CDH12: variants seen among roughly 807,000 people sequenced by gnomAD.
CDH12 encodes the protein cadherin-12.
Under a neutral mutation model 74.1 loss-of-function variants are expected in CDH12, and 41 were observed. The observed-to-expected ratio is 0.55, with a 90% CI of 0.43 to 0.72. CDH12 has a LOEUF of 0.72. Among genes scored for constraint, CDH12 ranks in the 30% least tolerant of loss-of-function variants. CDH12 has a pLI of 0.00. For synonymous variants in CDH12, 399 were observed against 355.0 expected (o/e 1.12, Z -1.39); for missense variants, 945 against 977.2 (o/e 0.97, Z 0.44).
chr5:22,309,034 A>T (rs1738267480), intron 3 of CDH12, among the ~76,000 whole-genome samples: 1 of 152,130 alleles, frequency 6.6e-6, no homozygotes, highest in Non-Finnish European at 1.5e-5. Flanking sequence ...AAGACGCTCA[A>T]TTATGCAACA....
At chr5:22,731,876 C>A (rs192371571) in intron 1 of CDH12, among the ~76,000 whole-genome samples, 2 of 151,806 alleles carry the variant, frequency 1.3e-5, no homozygotes, top group African/African-American at 4.8e-5. Context: ...ATTAAAATTG[C>A]ATAGTTGAAT....
chr5:21,833,655 G>A (rs1749366331), intron 8 of CDH12, among the ~76,000 whole-genome samples: 1 of 121,572 alleles, frequency 8.2e-6, no homozygotes, highest in Non-Finnish European at 1.7e-5. Context: ...GCATACAAAT[G>A]ATTCAAGGAA....
At chr5:22,158,711 T>G (rs1748166446) in intron 4 of CDH12, among the ~76,000 whole-genome samples, 1 of 152,246 alleles carries the variant, frequency 6.6e-6, no homozygotes, top group South Asian at 2.1e-4. Context: ...ATACACTTTT[T>G]GTTTGCATGA....
At chr5:22,052,059 T>G (rs1426181614) in intron 5 of CDH12, among the ~76,000 whole-genome samples, 1 of 152,176 alleles carries the variant, frequency 6.6e-6, no homozygotes, top group Non-Finnish European at 1.5e-5. Context: ...GATTTAAACA[T>G]GTGGGTCACA....
chr5:22,215,935 T>C (rs1282712584), intron 3 of CDH12, among the ~76,000 whole-genome samples: 1 of 152,142 alleles, frequency 6.6e-6, no homozygotes, highest in African/African-American at 2.4e-5. Flanking sequence ...ATTTAAACTT[T>C]GCCAAGAACT....
intron 2 of CDH12, among the ~76,000 whole-genome samples, chr5:22,460,713 ATTTTT>A (rs3039460): frequency 3.5e-5 from 3 of 85,608 alleles, no homozygotes; most frequent in East Asian, 3.5e-4. Flanking sequence ...ATATCTAGCA[ATTTTT>A]TTTTTTTTTT....
chr5:21,948,070 T>C (rs1246218858), intron 6 of CDH12, among the ~76,000 whole-genome samples: 3 of 152,214 alleles, frequency 2.0e-5, no homozygotes, highest in African/African-American at 7.2e-5. Context: ...TGTATGGAAA[T>C]GCCTGGATGT....
intron 4 of CDH12, among the ~76,000 whole-genome samples, chr5:22,201,967 T>C (rs777071796): frequency 1.3e-5 from 2 of 152,094 alleles, no homozygotes; most frequent in South Asian, 4.1e-4. Context: ...AAGTCAGAAG[T>C]GGGAAGGCAA....
Position 22,456,244 on chromosome 5 carries a change from A to ATGTGTG in CDH12, c.-428+49020_-428+49025dup, listed in dbSNP as rs58290508. ...TTTTTTAAATGTTTTGTCTATATAT[A>ATGTGTG]TGTGTGTGTGTGTGTGTGTGTGTGT... On this transcript the variant is annotated intron_variant, in intron 2 of 14. Coordinates refer to ENST00000382254, the MANE Select transcript of CDH12 (RefSeq NM_004061.5). Among the ~76,000 whole-genome samples, 241 of 147,378 alleles carry ATGTGTG rather than the reference A, an allele frequency of 1.6e-3. 5 individuals carry two copies. The South Asian group carries it at 0.038, about 23-fold the overall frequency.
intron 8 of CDH12, among the ~76,000 whole-genome samples, chr5:21,833,622 T>C (rs1385387481): frequency 6.3e-5 from 6 of 95,340 alleles, no homozygotes; most frequent in Admixed American, 1.4e-4. Flanking sequence ...AGAATATATG[T>C]ATATCATGTA....
At chr5:22,552,376 G>A (rs767212727) in intron 1 of CDH12, among the ~76,000 whole-genome samples, 19 of 151,294 alleles carry the variant, frequency 1.3e-4, no homozygotes, top group Non-Finnish European at 2.2e-4. Flanking sequence ...CTAGCATACC[G>A]GTTCTTCTCC....
chr5:22,017,133 A>AT (rs1029715530), intron 5 of CDH12, among the ~76,000 whole-genome samples: 5 of 151,612 alleles, frequency 3.3e-5, no homozygotes, highest in Admixed American at 6.6e-5. Context: ...CCCTTGACTC[A>AT]TTTTTTTTCT....
intron 1 of CDH12, among the ~76,000 whole-genome samples, chr5:22,513,083 T>C (rs892221649): frequency 1.3e-5 from 2 of 152,146 alleles, no homozygotes; most frequent in African/African-American, 4.8e-5. Flanking sequence ...AATAATTTTA[T>C]TTAAAAAACA....
At chr5:22,575,173 G>A (rs1739722954) in intron 1 of CDH12, among the ~76,000 whole-genome samples, 1 of 152,098 alleles carries the variant, frequency 6.6e-6, no homozygotes, top group Non-Finnish European at 1.5e-5. Context: ...CACCCAGTGT[G>A]TGGTGTGCTT....
At chr5:21,782,911 T>C (rs916696502) in intron 11 of CDH12, among the ~76,000 whole-genome samples, 1 of 152,008 alleles carries the variant, frequency 6.6e-6, no homozygotes, top group African/African-American at 2.4e-5. Context: ...AAAAATAAAT[T>C]TGAATAAAGG....
chr5:22,287,679 C>A (rs891745187), intron 3 of CDH12, among the ~76,000 whole-genome samples: 1 of 144,896 alleles, frequency 6.9e-6, no homozygotes, highest in Non-Finnish European at 1.5e-5. Flanking sequence ...GCCGAGATTG[C>A]GCCACTGCAA....
chr5:22,789,712 CA>C (rs1461721092), intron 1 of CDH12, among the ~76,000 whole-genome samples: 8 of 151,628 alleles, frequency 5.3e-5, no homozygotes, highest in Non-Finnish European at 1.2e-4. Flanking sequence ...CTCAAATTAC[CA>C]AAATTTTAAA....
intron 1 of CDH12, among the ~76,000 whole-genome samples, chr5:22,715,553 A>G (rs928968560): frequency 1.3e-5 from 2 of 152,060 alleles, no homozygotes; most frequent in Non-Finnish European, 2.9e-5. Context: ...ATAGAAATAC[A>G]TGCATATTTG....
intron 4 of CDH12, chr5:22,144,068 T>A (rs1223578131): frequency 6.6e-6 from 1 of 152,202 alleles, no homozygotes; most frequent in African/African-American, 2.4e-5. Context: ...TGTATATTTT[T>A]ACCAGTATTC....
Sources: gnomAD v4.1 joint callset for allele counts (sites outside exome capture counted in the v4.1 genomes callset) on GRCh38, gnomAD v4.1.1 for gene constraint, MANE v1.5 for transcripts, NCBI Gene and HGNC (gene_info 2026-07-23, HGNC 2026-07-21) for gene names.